The following KCNQ1 variants were observed in gnomAD, a reference collection of about 807,000 sequenced individuals.
KCNQ1 encodes the protein potassium voltage-gated channel subfamily Q member 1, also known as potassium voltage-gated channel subfamily KQT member 1.
Under a neutral mutation model 72.4 loss-of-function variants are expected in KCNQ1, and 49 were observed. That is an observed-to-expected ratio of 0.68 (90% CI 0.54 to 0.86). The LOEUF (loss-of-function observed/expected upper bound fraction) is 0.86. Among genes scored for constraint, KCNQ1 ranks in the 40% least tolerant of loss-of-function variants. KCNQ1 has a pLI of 0.00. For synonymous variants in KCNQ1, 450 were observed against 412.6 expected (o/e 1.09, Z -1.10); for missense variants, 790 against 945.1 (o/e 0.84, Z 2.15).
At position 2,526,057 on chromosome 11, in the gene KCNQ1, T is replaced by A. The variant is rs1174493199; in HGVS notation, c.387-1871T>A. On this transcript the variant is annotated intron_variant, in intron 1 of 15. Transcript: ENST00000155840. This position sits in a 1 kb window ranked among gnomAD's most constrained non-coding sequence, Gnocchi z 6.1. ...GAGACAGGGCCCGCTGGCAGGACCC[T>A]CAAGCTGGGCTTTTAGGCTGGGCAG... 2.0e-5 allele frequency among the ~76,000 whole-genome samples: 3 copies of A among 152,148 alleles called. No individual in the cohort carries two copies. The highest frequency in any genetic ancestry group is 2.0e-4 in the Admixed American group (3 of 15,280).
At chr11:2,456,148 G>A (rs1458806608) in intron 1 of KCNQ1, among the ~76,000 whole-genome samples, 10 of 152,038 alleles carry the variant, frequency 6.6e-5, no homozygotes, top group Admixed American at 6.6e-4. Context: ...GACCAGCTTG[G>A]CCAAGGTGGT....
chr11:2,839,904 T>A (rs1848166873), intron 15 of KCNQ1: 1 of 152,160 alleles, frequency 6.6e-6, no homozygotes, highest in Non-Finnish European at 1.5e-5. Flanking sequence ...GGGCCCTGGC[T>A]CCCAGTATCA....
Position 2,541,704 on chromosome 11 carries a change from G to GTTT in KCNQ1, c.477+13699_477+13701dup, listed in dbSNP as rs368310521. 5.4e-3 allele frequency among the ~76,000 whole-genome samples: 785 copies of GTTT among 145,242 alleles called. 9 individuals carry two copies. Among genetic ancestry groups the GTTT allele is most frequent in the African/African-American group, 0.017 (660 of 39,378 alleles). On this transcript the variant is annotated intron_variant, in intron 2 of 15. Coordinates refer to ENST00000155840, the MANE Select transcript of KCNQ1 (RefSeq NM_000218.3). The surrounding 1 kb of genome is among the most constrained non-coding windows in gnomAD (Gnocchi z 4.8). ...TTCATCTCAGGCTCAGGTGTTTTGA[G>GTTT]TTTTTTTTTTTTTTTAAATGAGGAC...
Position 2,678,693 on chromosome 11 carries a change from C to A in KCNQ1, c.1514+16612C>A, listed in dbSNP as rs972101493. 5.0e-6 allele frequency: 2 copies of A among 398,498 alleles called. No individual in the cohort carries two copies. The highest frequency in any genetic ancestry group is 4.1e-5 in the African/African-American group (2 of 48,632). The allele number at this position is 398,498 out of a possible 1,614,324, so 24.7% of individuals were successfully genotyped here. A position where few individuals can be genotyped will look rare whatever the true frequency, so the allele number is the denominator to read the frequency against. On this transcript the variant is annotated intron_variant, in intron 11 of 15. Coordinates refer to ENST00000155840, the MANE Select transcript of KCNQ1 (RefSeq NM_000218.3). The surrounding 1 kb of genome is among the most constrained non-coding windows in gnomAD (Gnocchi z 4.9). ...GGGAATTCATGGCATGGCCTAAGAT[C>A]TAAACACTCTTAAGATTTAAACACA...
chr11:2,460,847 T>G (rs1846267545), intron 1 of KCNQ1, among the ~76,000 whole-genome samples: 1 of 152,246 alleles, frequency 6.6e-6, no homozygotes, highest in Non-Finnish European at 1.5e-5. Flanking sequence ...AGGAGCACTT[T>G]GCCCCAGGCT....
chr11:2,744,326 T>C (rs903795529), intron 11 of KCNQ1, among the ~76,000 whole-genome samples: 3 of 152,220 alleles, frequency 2.0e-5, no homozygotes, highest in African/African-American at 7.2e-5. Flanking sequence ...TGGCCCCTGA[T>C]GGGCTCACTG....
At position 2,670,578 on chromosome 11, in the gene KCNQ1, G is replaced by C. The variant is rs1850165218; in HGVS notation, c.1514+8497G>C. The C allele has an allele frequency of 2.3e-5, 9 of 398,228 alleles. No individual in the cohort carries two copies. Among genetic ancestry groups the C allele is most frequent in the Non-Finnish European group, 4.0e-5 (9 of 226,034 alleles). 24.7% of individuals were successfully genotyped at this position (398,228 alleles called of 1,614,324 possible). On this transcript the variant is annotated intron_variant, in intron 11 of 15. Coordinates refer to ENST00000155840, the MANE Select transcript of KCNQ1 (RefSeq NM_000218.3). The surrounding 1 kb of genome is among the most constrained non-coding windows in gnomAD (Gnocchi z 4.9). ...CCAGTATCACTGGGAGATAGGAGCA[G>C]AAGCCAGGGCTCATTCCCAGACACA...
At position 2,471,780 on chromosome 11, in the gene KCNQ1, G is replaced by GT. The variant is rs1846470175; in HGVS notation, c.386+26296_386+26297insT. 6.7e-6 allele frequency among the ~76,000 whole-genome samples: 1 copy of GT among 150,194 alleles called. No homozygotes were observed. The highest frequency in any genetic ancestry group is 1.5e-5 in the Non-Finnish European group (1 of 67,706). On this transcript the variant is annotated intron_variant, in intron 1 of 15. Transcript: ENST00000155840. The surrounding 1 kb of genome is among the most constrained non-coding windows in gnomAD (Gnocchi z 4.8). ...TACTTGTGTATGGGTGTGTGCATGT[G>GT]ATTGGGTGTGTGCATGTGTATATAG...
intron 11 of KCNQ1, among the ~76,000 whole-genome samples, chr11:2,729,490 G>A (rs2283214): frequency 0.31 from 47,575 of 152,206 alleles, 7,781 homozygotes; most frequent in African/African-American, 0.39. Context: ...CCAAAGGGAT[G>A]TCCACCAATG....
chr11:2,570,893 A>G, intron 3 of KCNQ1, 139 bp downstream of exon 3: 1 of 1,169,214 alleles, frequency 8.6e-7, no homozygotes, highest in Non-Finnish European at 1.2e-6. Context: ...CCCAGGACCC[A>G]GCACAGGAGC....
chr11:2,701,179 G>A (rs1468993872), intron 11 of KCNQ1, among the ~76,000 whole-genome samples: 1 of 152,190 alleles, frequency 6.6e-6, no homozygotes, highest in East Asian at 1.9e-4. Context: ...TACGTCTACG[G>A]GAGAGCCAGG....
chr11:2,843,389 A>G (rs113160089), intron 15 of KCNQ1, among the ~76,000 whole-genome samples: 105 of 152,356 alleles, frequency 6.9e-4, no homozygotes, highest in African/African-American at 2.4e-3. Flanking sequence ...CTCAGGACAG[A>G]CAGGAGGAAG....
Position 2,842,413 on chromosome 11 carries a change from C to T in KCNQ1, c.1795-5354C>T, listed in dbSNP as rs74325590. Reference sequence around the variant, plus strand: ...AGCCATGGGAGTTGCTGCTTGCTCTCCACGCAGCTTTGTCCCAGCAGCACC... The same window carrying T: ...AGCCATGGGAGTTGCTGCTTGCTCTTCACGCAGCTTTGTCCCAGCAGCACC... On this transcript the variant is annotated intron_variant, in intron 15 of 15. Coordinates refer to ENST00000155840, the MANE Select transcript of KCNQ1 (RefSeq NM_000218.3). Among the ~76,000 whole-genome samples, 105 of 152,356 alleles carry T rather than the reference C, an allele frequency of 6.9e-4. No homozygotes were observed. In the Middle Eastern group the frequency reaches 0.02, roughly 30 times the overall value.
At chr11:2,681,717 T>C in intron 11 of KCNQ1, 1 of 393,482 alleles carries the variant, frequency 2.5e-6, no homozygotes, top group Non-Finnish European at 4.5e-6. Context: ...TCTGTTCCTC[T>C]ATTCAGTATT....
chr11:2,558,510 C>T (rs150274180), intron 2 of KCNQ1, among the ~76,000 whole-genome samples: 169 of 152,324 alleles, frequency 1.1e-3, no homozygotes, highest in African/African-American at 3.8e-3. Flanking sequence ...AGCCTGTGGG[C>T]ACTCTGCCTA....
rs543575148 is a variant in KCNQ1, at chr11:2,827,080, C to T, written c.1795-20687C>T. Among the ~76,000 whole-genome samples, 3 of 152,198 alleles carry T rather than the reference C, an allele frequency of 2.0e-5. No individual in the cohort carries two copies. The highest frequency in any genetic ancestry group is 4.8e-5 in the African/African-American group (2 of 41,532). The stretch of plus-strand genomic sequence containing the variant: ...GTGATGTGCTTAGATGTCACAGAGC[C>T]GGGAGGGGAACAGGCTGGGCTGCAG... On this transcript the variant is annotated intron_variant, in intron 15 of 15. Coordinates refer to ENST00000155840, the MANE Select transcript of KCNQ1 (RefSeq NM_000218.3). This position sits in a 1 kb window ranked among gnomAD's most constrained non-coding sequence, Gnocchi z 6.7.
At chr11:2,742,552 G>A (rs1384253827) in intron 11 of KCNQ1, among the ~76,000 whole-genome samples, 1 of 152,232 alleles carries the variant, frequency 6.6e-6, no homozygotes, top group African/African-American at 2.4e-5. Flanking sequence ...TCTCGGGGCA[G>A]TTTACACTTT....
chr11:2,784,250 T>C lies in KCNQ1; in HGVS notation c.1794+6213T>C, dbSNP rs1023504874. Among the ~76,000 whole-genome samples the C allele has an allele frequency of 1.3e-5, 2 of 151,964 alleles. No homozygotes were observed. The highest frequency in any genetic ancestry group is 1.9e-4 in the East Asian group (1 of 5,194). On this transcript the variant is annotated intron_variant, in intron 15 of 15. Coordinates refer to ENST00000155840, the MANE Select transcript of KCNQ1 (RefSeq NM_000218.3). This position sits in a 1 kb window ranked among gnomAD's most constrained non-coding sequence, Gnocchi z 4.7. ...ATGGATATCCAATTGCCCCAGAACA[T>C]TTGTTGAAAATACCCCATTTCCTCC...
At chr11:2,656,617 A>G (rs1849852567) in intron 10 of KCNQ1, 1 of 398,400 alleles carries the variant, frequency 2.5e-6, no homozygotes, top group Non-Finnish European at 4.4e-6. Flanking sequence ...CCCATTTTCT[A>G]TTAAGTCATT....
Sources: gnomAD v4.1 joint callset for allele counts (sites outside exome capture counted in the v4.1 genomes callset) on GRCh38, gnomAD v4.1.1 for gene constraint, Gnocchi (gnomAD v3.1) non-coding constraint, MANE v1.5 for transcripts, NCBI Gene and HGNC (gene_info 2026-07-23, HGNC 2026-07-21) for gene names.